VMP1: variants seen among roughly 807,000 people sequenced by gnomAD.
VMP1 encodes vacuole membrane protein 1.
In VMP1, 11 loss-of-function variants were observed where a neutral mutation model predicts 56.0. The ratio of observed to expected loss-of-function variants is 0.20; its 90% CI spans 0.12 to 0.32. VMP1 has a LOEUF of 0.32. VMP1 is among the 10% of genes least tolerant of loss of function. VMP1 has a pLI of 1.00. For missense variants in VMP1, 296 were observed against 490.3 expected (o/e 0.60, Z 3.74); for synonymous variants, 149 against 165.0 (o/e 0.90, Z 0.74).
chr17:59,813,329 G>A (rs529457387), intron 9 of VMP1, among the ~76,000 whole-genome samples: 1 of 152,142 alleles, frequency 6.6e-6, no homozygotes, highest in African/African-American at 2.4e-5. Flanking sequence ...TGTAATCCCA[G>A]CACTTTGGGA....
chr17:59,824,134 CCAGCTACT>C (rs2038552397), intron 10 of VMP1, among the ~76,000 whole-genome samples: 1 of 151,662 alleles, frequency 6.6e-6, no homozygotes, highest in Non-Finnish European at 1.5e-5. Context: ...ACCTGTCGTC[CCAGCTACT>C]CAGGAGGCTG....
At chr17:59,723,825 A>C (rs1022900288) in intron 1 of VMP1, among the ~76,000 whole-genome samples, 3 of 152,224 alleles carry the variant, frequency 2.0e-5, no homozygotes, top group South Asian at 2.1e-4. Context: ...CAAGTCATAA[A>C]GAGAGAAAAA....
At chr17:59,776,509 T>C (rs1239148440) in intron 7 of VMP1, among the ~76,000 whole-genome samples, 1 of 152,248 alleles carries the variant, frequency 6.6e-6, no homozygotes, top group Non-Finnish European at 1.5e-5. Flanking sequence ...CAGTATTTAA[T>C]ATGACCCTTG....
At chr17:59,776,547 T>C (rs1409202878) in intron 7 of VMP1, among the ~76,000 whole-genome samples, 5 of 152,230 alleles carry the variant, frequency 3.3e-5, no homozygotes, top group African/African-American at 7.2e-5. Context: ...TTTGGAAAGG[T>C]ACCATTCTTC....
At chr17:59,790,747 C>T (rs1024831102) in intron 7 of VMP1, among the ~76,000 whole-genome samples, 4 of 152,220 alleles carry the variant, frequency 2.6e-5, no homozygotes, top group South Asian at 2.1e-4. Flanking sequence ...GCCATGATCA[C>T]GCCACTGCAC....
intron 10 of VMP1, among the ~76,000 whole-genome samples, chr17:59,836,942 C>G (rs2039002158): frequency 6.6e-6 from 1 of 151,990 alleles, no homozygotes. Flanking sequence ...TGGCTCACAC[C>G]TGTAATCCCA....
chr17:59,728,159 G>C (rs1018242), intron 1 of VMP1, among the ~76,000 whole-genome samples: 138,831 of 152,258 alleles, frequency 0.91, 63,521 homozygotes, highest in East Asian at 1. Context: ...ATTTTTATAG[G>C]CTTTCACTTG....
chr17:59,752,182 T>A (rs1470496803), intron 5 of VMP1, among the ~76,000 whole-genome samples: 1 of 152,202 alleles, frequency 6.6e-6, no homozygotes, highest in Non-Finnish European at 1.5e-5. Flanking sequence ...TCTGTGCAAC[T>A]ACTCAGATCT....
intron 8 of VMP1, among the ~76,000 whole-genome samples, chr17:59,810,441 A>T (rs982786085): frequency 6.6e-6 from 1 of 152,212 alleles, no homozygotes; most frequent in South Asian, 2.1e-4. Context: ...GGCATAAGAC[A>T]CTGCGCCCAG....
intron 10 of VMP1, among the ~76,000 whole-genome samples, chr17:59,832,573 A>ATTTGT (rs71145579): frequency 0.013 from 1,918 of 146,224 alleles, 30 homozygotes; most frequent in African/African-American, 0.03. Context: ...AATTGTAGTT[A>ATTTGT]TTTGTTTTGT....
In VMP1 at chr17:59,808,817, C is replaced by T; in HGVS notation, c.736C>T (p.Leu246=). 1 of 1,613,996 alleles carries T rather than the reference C, an allele frequency of 6.2e-7. No homozygotes were observed. Residue 246 remains leucine, a synonymous_variant, in exon 8 of 12, where the codon CTG becomes TTG. Transcript: ENST00000262291. ...SAQDFASRAK[L]AVQKLVQKVG... is the part of the protein sequence containing the mutation. ...ACAGGACTTTGCCTCCCGGGCCAAA[C>T]TGGCAGTTCAAAAACTAGTACAGAA...
At chr17:59,830,288 C>T (rs889272307) in intron 10 of VMP1, among the ~76,000 whole-genome samples, 1 of 152,132 alleles carries the variant, frequency 6.6e-6, no homozygotes, top group African/African-American at 2.4e-5. Flanking sequence ...GTCTTGAACT[C>T]ATAGGCTCAA....
chr17:59,750,750 T>C (rs1043145359), intron 5 of VMP1, among the ~76,000 whole-genome samples: 4 of 152,188 alleles, frequency 2.6e-5, no homozygotes, highest in African/African-American at 9.6e-5. Flanking sequence ...GCATTTCCTC[T>C]GTTTTTAGTT....
At chr17:59,734,302 C>T (rs1204478423) in intron 2 of VMP1, among the ~76,000 whole-genome samples, 1 of 152,170 alleles carries the variant, frequency 6.6e-6, no homozygotes, top group Non-Finnish European at 1.5e-5. Flanking sequence ...TAGGAAAAAA[C>T]ACTGTGTTGT....
chr17:59,736,741 C>G (rs1388575379), intron 3 of VMP1, among the ~76,000 whole-genome samples: 1 of 150,316 alleles, frequency 6.7e-6, no homozygotes, highest in East Asian at 2.0e-4. Flanking sequence ...AAGACCCTGT[C>G]TCTGAAAAAA....
intron 7 of VMP1, among the ~76,000 whole-genome samples, chr17:59,781,596 C>T (rs1288504952): frequency 6.6e-6 from 1 of 152,022 alleles, no homozygotes; most frequent in Admixed American, 6.6e-5. Flanking sequence ...AGAGTGAAAT[C>T]ATATTGTTTG....
At chr17:59,768,474 G>A (rs2036308799) in intron 6 of VMP1, among the ~76,000 whole-genome samples, 1 of 151,928 alleles carries the variant, frequency 6.6e-6, no homozygotes, top group African/African-American at 2.4e-5. Flanking sequence ...ATGGTGGTGG[G>A]TGCCTGTAGT....
chr17:59,822,326 C>CTTTTT (rs774358954), intron 10 of VMP1, among the ~76,000 whole-genome samples: 8 of 125,352 alleles, frequency 6.4e-5, no homozygotes, highest in East Asian at 2.3e-4. Flanking sequence ...GTAGGAAATA[C>CTTTTT]TTTTTTTTTT....
intron 10 of VMP1, among the ~76,000 whole-genome samples, chr17:59,827,044 G>A (rs1467239887): frequency 6.6e-6 from 1 of 152,146 alleles, no homozygotes; most frequent in African/African-American, 2.4e-5. Flanking sequence ...TTTCTGTAGT[G>A]TACATTTAAG....
Sources: gnomAD v4.1 joint callset for allele counts (sites outside exome capture counted in the v4.1 genomes callset) on GRCh38, gnomAD v4.1.1 for gene constraint, MANE v1.5 for transcripts, NCBI Gene and HGNC (gene_info 2026-07-23, HGNC 2026-07-21) for gene names.